Variants in SPACA1 observed in about 807,000 individuals in gnomAD.
The protein encoded by SPACA1 is sperm acrosome membrane-associated protein 1.
Under a neutral mutation model 32.6 loss-of-function variants are expected in SPACA1, and 17 were observed. The ratio of observed to expected loss-of-function variants is 0.52; its 90% CI spans 0.36 to 0.78. SPACA1 has a LOEUF of 0.78. Ranked by LOEUF, SPACA1 falls within the 30% of genes least tolerant of loss-of-function variation. SPACA1 has a pLI of 0.01. For missense variants in SPACA1, 363 were observed against 373.4 expected, an observed-to-expected ratio of 0.97 and a Z score of 0.23; for synonymous variants, 140 against 138.1, an observed-to-expected ratio of 1.01 and a Z score of -0.10.
rs1775848587 is a variant in SPACA1 at position 88,058,815 on chromosome 6, A to G, written c.467A>G (p.Gln156Arg). The G allele has an allele frequency of 6.2e-7, 1 of 1,606,374 alleles. No homozygotes were observed. The highest frequency in any genetic ancestry group is 8.5e-7 in the Non-Finnish European group (1 of 1,173,396). The change falls in exon 4 of 7, where the codon CAA (glutamine) becomes CGA (arginine). Residue 156 changes from glutamine (Q) to arginine (R), a missense_variant. Transcript: ENST00000237201. ...RFKYMWKLLR[Q>R]DQQSIILVND... Reference sequence around the variant, plus strand: ...AAATATATGTGGAAACTTCTAAGACAAGACCAAGTGAGTAATGAATGGATA... The same window carrying G: ...AAATATATGTGGAAACTTCTAAGACGAGACCAAGTGAGTAATGAATGGATA...
At chr6:88,047,780 T>C (rs1008441069), upstream of SPACA1, 29 of 954,632 alleles carry the variant, frequency 3.0e-5, no homozygotes, top group South Asian at 5.1e-4. Flanking sequence ...CATTGAGGCG[T>C]CACGGTTCGT....
chr6:88,066,076 C>T, intron 6 of SPACA1, 106 bp from the exon 7 acceptor site: 3 of 729,914 alleles, frequency 4.1e-6, no homozygotes, highest in Non-Finnish European at 6.1e-6. Context: ...ACAGGTAATA[C>T]ACACACACAC....
chr6:88,064,978 T>C (rs1480132153), intron 6 of SPACA1, among the ~76,000 whole-genome samples: 2 of 148,670 alleles, frequency 1.3e-5, no homozygotes, highest in Non-Finnish European at 3.0e-5. Context: ...GAAGTGTCTT[T>C]TTATTATTTT....
chr6:88,062,627 G>C (rs983964493), intron 5 of SPACA1, among the ~76,000 whole-genome samples: 1 of 152,146 alleles, frequency 6.6e-6, no homozygotes, highest in Admixed American at 6.6e-5. Context: ...AAAGAGCAGA[G>C]AGACATGGGA....
At chr6:88,052,052 C>T (rs1775735506) in intron 1 of SPACA1, among the ~76,000 whole-genome samples, 1 of 152,144 alleles carries the variant, frequency 6.6e-6, no homozygotes, top group Non-Finnish European at 1.5e-5. Flanking sequence ...AGGTTTATAA[C>T]AAGAAATTTT....
At chr6:88,049,741 C>A (rs1471852494) in intron 1 of SPACA1, among the ~76,000 whole-genome samples, 1 of 152,010 alleles carries the variant, frequency 6.6e-6, no homozygotes, top group Admixed American at 6.6e-5. Context: ...TTCCATATAT[C>A]CTAGTTTTGA....
intron 1 of SPACA1, among the ~76,000 whole-genome samples, chr6:88,048,561 A>C (rs562662910): frequency 1.3e-5 from 2 of 152,194 alleles, no homozygotes; most frequent in South Asian, 2.1e-4. Flanking sequence ...ATACACCCAG[A>C]TAGACCAGTA....
chr6:88,049,385 A>G (rs1263032908), intron 1 of SPACA1, among the ~76,000 whole-genome samples: 1 of 152,202 alleles, frequency 6.6e-6, no homozygotes, highest in Non-Finnish European at 1.5e-5. Context: ...TCTGAGTCAC[A>G]GTTTCCTCAT....
chr6:88,049,143 G>C (rs145998338), intron 1 of SPACA1, among the ~76,000 whole-genome samples: 13 of 152,244 alleles, frequency 8.5e-5, no homozygotes, highest in Non-Finnish European at 1.5e-4. Flanking sequence ...AAAGATCCTT[G>C]ACTTCGGAAA....
At chr6:88,057,735 A>C in intron 3 of SPACA1, 22 bp downstream of exon 3, 1 of 1,597,810 alleles carries the variant, frequency 6.3e-7, no homozygotes, top group East Asian at 2.2e-5. Flanking sequence ...TATGTATTGG[A>C]GGGAGACTGT....
At chr6:88,049,383 A>G (rs1693533350) in intron 1 of SPACA1, among the ~76,000 whole-genome samples, 1 of 152,218 alleles carries the variant, frequency 6.6e-6, no homozygotes, top group Non-Finnish European at 1.5e-5. Context: ...TCTCTGAGTC[A>G]CAGTTTCCTC....
intron 5 of SPACA1, among the ~76,000 whole-genome samples, chr6:88,061,389 C>T (rs1373025063): frequency 2.0e-5 from 3 of 151,860 alleles, no homozygotes; most frequent in African/African-American, 7.3e-5. Context: ...TCCAATATAA[C>T]TGGTGCCCTC....
Position 88,059,480 on chromosome 6 carries a change from G to A in SPACA1, c.502G>A (p.Ala168Thr). Residue 168 changes from alanine (A) to threonine (T), a missense_variant, in exon 5 of 7, where the codon GCA (alanine) becomes ACA (threonine). Coordinates refer to ENST00000237201, the MANE Select transcript of SPACA1 (RefSeq NM_030960.3). ...QQSIILVNDS[A>T]ILEVRKESHP... is the part of the protein sequence containing the mutation. ...ATCCATTATACTTGTAAATGATTCA[G>A]CAATCCTAGAAGTACGCAAGGAAAG... The A allele has an allele frequency of 6.2e-7, 1 of 1,611,062 alleles. No homozygotes were observed. Among genetic ancestry groups the A allele is most frequent in the Non-Finnish European group, 8.5e-7 (1 of 1,178,730 alleles).
intron 5 of SPACA1, among the ~76,000 whole-genome samples, chr6:88,061,133 G>A (rs1040566850): frequency 3.3e-5 from 5 of 152,100 alleles, no homozygotes; most frequent in Non-Finnish European, 5.9e-5. Context: ...ACACAATATG[G>A]TACTAGCATG....
chr6:88,051,896 A>T (rs895681998), intron 1 of SPACA1, among the ~76,000 whole-genome samples: 7 of 152,232 alleles, frequency 4.6e-5, no homozygotes, highest in Non-Finnish European at 8.8e-5. Context: ...GTCATTAATA[A>T]AAATGTTGAA....
At chr6:88,056,281 G>T (rs931710492) in intron 2 of SPACA1, among the ~76,000 whole-genome samples, 1 of 152,158 alleles carries the variant, frequency 6.6e-6, no homozygotes, top group Non-Finnish European at 1.5e-5. Context: ...TTGAACCCGG[G>T]AGGCGGAGGT....
At chr6:88,059,382 GAAAT>G in intron 4 of SPACA1, 67 bp from the exon 5 acceptor site, 2 of 1,340,484 alleles carry the variant, frequency 1.5e-6, no homozygotes, top group Non-Finnish European at 2.0e-6. Context: ...TTCCTTAAGG[GAAAT>G]AAATTGTTTC....
chr6:88,058,276 T>G (rs1006168920), intron 3 of SPACA1, among the ~76,000 whole-genome samples: 3 of 152,216 alleles, frequency 2.0e-5, no homozygotes, highest in African/African-American at 7.2e-5. Flanking sequence ...CTATCAGTCT[T>G]CTGTTCCTCT....
At chr6:88,054,610 T>C (rs1775778982) in intron 2 of SPACA1, among the ~76,000 whole-genome samples, 1 of 152,130 alleles carries the variant, frequency 6.6e-6, no homozygotes, top group Admixed American at 6.5e-5. Context: ...GAGAAGACCA[T>C]AGATAATTCA....
Sources: allele counts gnomAD v4.1 joint callset (sites outside exome capture counted in the v4.1 genomes callset), GRCh38; gene constraint gnomAD v4.1.1; transcripts MANE v1.5; gene names NCBI Gene and HGNC (gene_info 2026-07-23, HGNC 2026-07-21).